Variants in DCUN1D4 observed in about 807,000 individuals in gnomAD.
DCUN1D4 encodes defective in cullin neddylation 1 domain containing 4.
In DCUN1D4, 22 loss-of-function variants were observed where a neutral mutation model predicts 47.9. The ratio of observed to expected loss-of-function variants is 0.46; its 90% CI spans 0.33 to 0.66. The LOEUF (loss-of-function observed/expected upper bound fraction) is 0.66, where lower values mean the gene tolerates loss of function less well. Ranked by LOEUF, DCUN1D4 falls within the 30% of genes least tolerant of loss-of-function variation. The pLI is 0.02. For synonymous variants in DCUN1D4, 121 were observed against 112.2 expected, an observed-to-expected ratio of 1.08 and a Z score of -0.50; for missense variants, 301 against 340.8, an observed-to-expected ratio of 0.88 and a Z score of 0.92.
chr4:51,845,223 AAAT>A (rs1722347648), intron 1 of DCUN1D4: 2 of 985,462 alleles, frequency 2.0e-6, no homozygotes, highest in South Asian at 9.4e-5. Context: ...TCCCTTGCAT[AAAT>A]ATGAGAACAC....
At chr4:51,840,100 A>G (rs1211595241), upstream of DCUN1D4, among the ~76,000 whole-genome samples, 1 of 152,238 alleles carries the variant, frequency 6.6e-6, no homozygotes, top group Non-Finnish European at 1.5e-5. Context: ...GAAATGGCAT[A>G]AAGACTGCAT....
chr4:51,840,165 C>G (rs1721594733), upstream of DCUN1D4, among the ~76,000 whole-genome samples: 1 of 151,966 alleles, frequency 6.6e-6, no homozygotes, highest in African/African-American at 2.4e-5. Flanking sequence ...TAATTTTTTT[C>G]TCCAGGGATT....
At chr4:51,862,716 C>T (rs1185643545) in intron 1 of DCUN1D4, among the ~76,000 whole-genome samples, 2 of 152,040 alleles carry the variant, frequency 1.3e-5, no homozygotes, top group African/African-American at 4.8e-5. Context: ...ACATACTTTA[C>T]TTCAAGTTGA....
intron 1 of DCUN1D4, among the ~76,000 whole-genome samples, chr4:51,858,092 T>A (rs1206931822): frequency 6.6e-6 from 1 of 152,138 alleles, no homozygotes; most frequent in East Asian, 1.9e-4. Context: ...GCTCTGTTGG[T>A]CTGGCAAGGT....
Position 51,913,698 on chromosome 4 carries a change from C to A in DCUN1D4, c.*114C>A. ...TGCTTCTCTTGCACTGTTTCCCTTT[C>A]GCAGGGACATGTTGGTGTTTGCTAT... On this transcript the variant is annotated 3_prime_UTR_variant, in exon 11 of 11. Transcript: ENST00000334635. The A allele has an allele frequency of 1.1e-6, 1 of 943,806 alleles. No homozygotes were observed. The highest frequency in any genetic ancestry group is 1.7e-6 in the Non-Finnish European group (1 of 601,726). The allele number at this position is 943,806 out of a possible 1,614,324, so 58.5% of individuals were successfully genotyped here.
At chr4:51,912,966 CTT>C (rs1351153453) in intron 9 of DCUN1D4, among the ~76,000 whole-genome samples, 2 of 152,126 alleles carry the variant, frequency 1.3e-5, no homozygotes, top group Non-Finnish European at 2.9e-5. Context: ...CTTATAATAT[CTT>C]TATGAAGTAG....
chr4:51,887,756 ATTT>A lies in DCUN1D4; in HGVS notation c.414+1123_414+1125del, dbSNP rs201576101. 3.4e-3 allele frequency among the ~76,000 whole-genome samples: 521 copies of A among 151,898 alleles called. 15 individuals are homozygous for A. Among genetic ancestry groups the A allele is most frequent in the Admixed American group, 0.027 (411 of 15,278 alleles). ...TTTTAAAGAAACTAGCAAAATTCAC[ATTT>A]TTTTCTTTAAACTTTTTATTTTACC... On this transcript the variant is annotated intron_variant, in intron 6 of 10. Transcript: ENST00000334635.
At chr4:51,859,866 A>T (rs1249558726) in intron 1 of DCUN1D4, among the ~76,000 whole-genome samples, 1 of 152,128 alleles carries the variant, frequency 6.6e-6, no homozygotes, top group East Asian at 1.9e-4. Flanking sequence ...TGATCATGGA[A>T]TGCAGTCAAA....
chr4:51,852,425 C>T (rs1283405044), intron 1 of DCUN1D4, among the ~76,000 whole-genome samples: 1 of 151,772 alleles, frequency 6.6e-6, no homozygotes, highest in Non-Finnish European at 1.5e-5. Context: ...ATTTTTTTTC[C>T]TGTAGGTTAG....
intron 7 of DCUN1D4, 107 bp from the exon 8 acceptor site, chr4:51,899,163 T>G: frequency 7.1e-7 from 1 of 1,404,512 alleles, no homozygotes; most frequent in Non-Finnish European, 9.3e-7. Context: ...GTGTTTCAAC[T>G]TCAGGGATTT....
intron 8 of DCUN1D4, among the ~76,000 whole-genome samples, chr4:51,908,715 AC>A (rs1733273179): frequency 6.6e-6 from 1 of 151,606 alleles, no homozygotes; most frequent in Non-Finnish European, 1.5e-5. Context: ...TTGTCAGAGA[AC>A]CCCCTGCGAG....
intron 7 of DCUN1D4, among the ~76,000 whole-genome samples, chr4:51,892,061 G>T (rs1241312840): frequency 6.6e-6 from 1 of 152,194 alleles, no homozygotes; most frequent in Non-Finnish European, 1.5e-5. Context: ...TATTTGGAGC[G>T]AGAGAGTGTG....
intron 10 of DCUN1D4, 62 bp from the exon 11 acceptor site, chr4:51,913,467 A>C (rs901968738): frequency 6.4e-7 from 1 of 1,565,234 alleles, no homozygotes; most frequent in African/African-American, 1.4e-5. Flanking sequence ...CCTCAGCTAC[A>C]TTACTATTAT....
chr4:51,908,629 G>T (rs940628711), intron 8 of DCUN1D4, among the ~76,000 whole-genome samples: 1 of 151,798 alleles, frequency 6.6e-6, no homozygotes, highest in Non-Finnish European at 1.5e-5. Context: ...GTTGATGGCT[G>T]CCTGATAGCA....
At chr4:51,887,132 C>T (rs371618391) in intron 6 of DCUN1D4, 57 of 451,704 alleles carry the variant, frequency 1.3e-4, no homozygotes, top group East Asian at 3.5e-4. Flanking sequence ...GATGGAGTCT[C>T]GCACTGTCGC....
intron 3 of DCUN1D4, among the ~76,000 whole-genome samples, chr4:51,868,230 C>T (rs899705537): frequency 2.0e-5 from 3 of 152,270 alleles, no homozygotes; most frequent in Admixed American, 1.3e-4. Flanking sequence ...CATGGCTGGG[C>T]GGCTGCAGCT....
Position 51,913,519 on chromosome 4 carries a change from T to G in DCUN1D4, c.824-10T>G. 1 of 1,611,464 alleles carries G rather than the reference T, an allele frequency of 6.2e-7. No individual in the cohort carries two copies. Among genetic ancestry groups the G allele is most frequent in the African/African-American group, 1.3e-5 (1 of 74,962 alleles). On this transcript the variant is annotated splice_polypyrimidine_tract_variant and intron_variant, in intron 10 of 10. Coordinates refer to ENST00000334635, the MANE Select transcript of DCUN1D4 (RefSeq NM_001040402.3). ...ATTATTATTACTACTGTTTCTCTCT[T>G]TCTCTCCAGGGCCAGTTTTGTTGGA...
intron 1 of DCUN1D4, among the ~76,000 whole-genome samples, chr4:51,846,187 T>C (rs1722522863): frequency 6.6e-6 from 1 of 152,214 alleles, no homozygotes. Context: ...TCCTACACAC[T>C]TTCTGCTCTG....
chr4:51,883,927 A>G (rs943137836), intron 5 of DCUN1D4, among the ~76,000 whole-genome samples: 11 of 150,946 alleles, frequency 7.3e-5, no homozygotes, highest in Admixed American at 4.0e-4. Context: ...GTACAAAACT[A>G]AAATAGTATT....
Sources: gnomAD v4.1 joint callset for allele counts (sites outside exome capture counted in the v4.1 genomes callset) on GRCh38, gnomAD v4.1.1 for gene constraint, MANE v1.5 for transcripts, NCBI Gene and HGNC (gene_info 2026-07-23, HGNC 2026-07-21) for gene names.